Variants in PCDHGA5 observed in about 807,000 individuals in gnomAD.
The protein encoded by PCDHGA5 is protocadherin gamma-A5.
A neutral mutation model predicts 56.7 loss-of-function variants in PCDHGA5; 36 were observed. That is an observed-to-expected ratio of 0.64 (90% CI 0.49 to 0.84). The LOEUF (loss-of-function observed/expected upper bound fraction) is 0.84. Among genes scored for constraint, PCDHGA5 ranks in the 40% least tolerant of loss-of-function variants. The pLI is 0.00. For synonymous variants in PCDHGA5, 563 were observed against 520.2 expected (o/e 1.08, Z -1.12); for missense variants, 1,305 against 1,201.5 (o/e 1.09, Z -1.27).
intron 1 of PCDHGA5, chr5:141,404,365 C>A: frequency 6.2e-7 from 1 of 1,613,936 alleles, no homozygotes; most frequent in South Asian, 1.1e-5. Context: ...GTACTTCCAT[C>A]TTCTCCGTGA....
chr5:141,372,767 T>C, intron 1 of PCDHGA5: 1 of 1,612,184 alleles, frequency 6.2e-7, no homozygotes, highest in Non-Finnish European at 8.5e-7. Flanking sequence ...TTGAAAGTAA[T>C]GACAATCCAG....
intron 1 of PCDHGA5, among the ~76,000 whole-genome samples, chr5:141,466,036 G>C (rs981390655): frequency 1.3e-5 from 2 of 152,064 alleles, no homozygotes; most frequent in Non-Finnish European, 2.9e-5. Context: ...GCAGGAGAAC[G>C]GCATGAACCC....
intron 1 of PCDHGA5, chr5:141,399,393 C>A: frequency 6.2e-7 from 1 of 1,613,976 alleles, no homozygotes; most frequent in Non-Finnish European, 8.5e-7. Flanking sequence ...CAGCCACAGA[C>A]AGGGGCAAGC....
intron 1 of PCDHGA5, among the ~76,000 whole-genome samples, chr5:141,368,280 A>G (rs778182605): frequency 2.6e-5 from 4 of 152,160 alleles, no homozygotes; most frequent in African/African-American, 7.2e-5. Context: ...ACCTAAGACC[A>G]CTTGATTTTT....
Position 141,397,579 on chromosome 5 carries a change from A to G in PCDHGA5, c.2421+30828A>G, listed in dbSNP as rs73279085. Among the ~76,000 whole-genome samples, 1,264 of 152,334 alleles carry G rather than the reference A, an allele frequency of 8.3e-3. 17 individuals are homozygous for G. Among genetic ancestry groups the G allele is most frequent in the African/African-American group, 0.029 (1,200 of 41,570 alleles). On this transcript the variant is annotated intron_variant, in intron 1 of 3. Coordinates refer to ENST00000518069, the MANE Select transcript of PCDHGA5 (RefSeq NM_018918.3). ...AGGCTCTGAGAGCAAGAACTGTATCATATTAATTATTATATTGCCAGTGAC... is the reference window on the plus strand; with the variant it reads ...AGGCTCTGAGAGCAAGAACTGTATCGTATTAATTATTATATTGCCAGTGAC...
At position 141,497,103 on chromosome 5, in the gene PCDHGA5, T is replaced by C. The variant is rs182534106; in HGVS notation, c.2480+2238T>C. On this transcript the variant is annotated intron_variant, in intron 2 of 3. Transcript: ENST00000518069. ...ACTTAGGAGGCTGAGGCAGAACTGC[T>C]TGAACCCGGAAGGCAGAGGTTGCAG... Among the ~76,000 whole-genome samples, 34 of 152,160 alleles carry C rather than the reference T, an allele frequency of 2.2e-4. 1 individual carries two copies. Among genetic ancestry groups the C allele is most frequent in the Admixed American group, 6.6e-4 (10 of 15,264 alleles).
chr5:141,422,996 C>G lies in PCDHGA5; in HGVS notation c.2421+56245C>G. 1.2e-6 allele frequency: 2 copies of G among 1,614,224 alleles called. No homozygotes were observed. The highest frequency in any genetic ancestry group is 1.7e-6 in the Non-Finnish European group (2 of 1,180,046). On this transcript the variant is annotated intron_variant, in intron 1 of 3. Coordinates refer to ENST00000518069, the MANE Select transcript of PCDHGA5 (RefSeq NM_018918.3). ...TCTGCGGAACCTGGCTACCTGGTGA[C>G]CAAGGTGGTTGCGGTGGACAAAGAT...
chr5:141,399,203 G>C, intron 1 of PCDHGA5: 1 of 1,613,940 alleles, frequency 6.2e-7, no homozygotes, highest in Middle Eastern at 1.6e-4. Context: ...GCGGTGCCTG[G>C]AACACTAATT....
chr5:141,511,358 G>T lies in PCDHGA5; in HGVS notation c.*185G>T, dbSNP rs905197337. 1.5e-6 allele frequency: 2 copies of T among 1,355,398 alleles called. No homozygotes were observed. Among genetic ancestry groups the T allele is most frequent in the East Asian group, 2.5e-5 (1 of 39,588 alleles). The allele number at this position is 1,355,398 out of a possible 1,614,324, so 84.0% of individuals were successfully genotyped here. ...GCACCTACCCCTTCCCCCCCAGGGGGTTGAATATGCAAAAGCAGTTCCGCT... is the reference window on the plus strand; with the variant it reads ...GCACCTACCCCTTCCCCCCCAGGGGTTTGAATATGCAAAAGCAGTTCCGCT... On this transcript the variant is annotated 3_prime_UTR_variant, in exon 4 of 4. Coordinates refer to ENST00000518069, the MANE Select transcript of PCDHGA5 (RefSeq NM_018918.3).
chr5:141,373,969 C>T, intron 1 of PCDHGA5: 2 of 1,010,234 alleles, frequency 2.0e-6, no homozygotes, highest in Non-Finnish European at 2.7e-6. Context: ...TGAAACGCTT[C>T]GCATCCGGTC....
intron 2 of PCDHGA5, among the ~76,000 whole-genome samples, chr5:141,500,901 G>A (rs984072329): frequency 7.6e-5 from 11 of 144,582 alleles, no homozygotes; most frequent in African/African-American, 2.6e-4. Flanking sequence ...AGACAGTCTC[G>A]CTCTGTCTCC....
chr5:141,416,728 T>C (rs2096057160), intron 1 of PCDHGA5: 1 of 152,232 alleles, frequency 6.6e-6, no homozygotes, highest in Non-Finnish European at 1.5e-5. Context: ...GTTCATTTAG[T>C]TCAATGAAAA....
intron 1 of PCDHGA5, chr5:141,415,740 G>GTTTTTTGT (rs2095911797): frequency 1.9e-6 from 1 of 515,998 alleles, no homozygotes; most frequent in East Asian, 8.3e-5. Flanking sequence ...GTTTATTAAG[G>GTTTTTTGT]TTTTTTTTTT....
At chr5:141,468,783 G>T (rs908838744) in intron 1 of PCDHGA5, among the ~76,000 whole-genome samples, 5 of 151,346 alleles carry the variant, frequency 3.3e-5, no homozygotes, top group East Asian at 2.0e-4. Flanking sequence ...GGAGAATGGC[G>T]TGAACCCGGG....
intron 1 of PCDHGA5, chr5:141,478,730 G>A: frequency 6.5e-7 from 1 of 1,538,906 alleles, no homozygotes; most frequent in South Asian, 1.2e-5. Flanking sequence ...GCCAGAGTGT[G>A]GTTTGTGGTC....
intron 1 of PCDHGA5, chr5:141,371,427 C>T (rs773502490): frequency 1.1e-5 from 17 of 1,613,780 alleles, no homozygotes; most frequent in African/African-American, 1.3e-5. Flanking sequence ...TGACAATGCC[C>T]CGGAGATAAC....
In PCDHGA5 at chr5:141,364,875, T is replaced by C. The variant is rs909012191; in HGVS notation, c.545T>C (p.Val182Ala). The C allele has an allele frequency of 6.2e-7, 1 of 1,613,818 alleles. No individual in the cohort carries two copies. Among genetic ancestry groups the C allele is most frequent in the Non-Finnish European group, 8.5e-7 (1 of 1,179,894 alleles). The change falls in exon 1 of 4, where the codon GTG becomes GCG. Residue 182 changes from valine to alanine, a missense_variant. By Grantham distance (64) the Val-to-Ala change is moderately conservative. Coordinates refer to ENST00000518069, the MANE Select transcript of PCDHGA5 (RefSeq NM_018918.3). ...TCCAATCTGCACTTCTCTCTGGATG[T>C]GGTAAGCGGAACTGATGGACAAAAG... is the stretch of plus-strand genomic sequence containing the variant. ...LSSNLHFSLD[V>A]VSGTDGQKYP...
At chr5:141,427,826 G>A (rs550161736) in intron 1 of PCDHGA5, 2 of 1,536,500 alleles carry the variant, frequency 1.3e-6, no homozygotes, top group Admixed American at 3.3e-5. Flanking sequence ...TGGTGGTCGC[G>A]CAGCGTGCCT....
intron 1 of PCDHGA5, chr5:141,399,984 A>C (rs1310810422): frequency 1.2e-6 from 2 of 1,612,296 alleles, no homozygotes; most frequent in Non-Finnish European, 8.5e-7. Context: ...GGCTGCGCAC[A>C]GGAGAGGTGC....
Sources: allele counts gnomAD v4.1 joint callset (sites outside exome capture counted in the v4.1 genomes callset), GRCh38; gene constraint gnomAD v4.1.1; transcripts MANE v1.5; gene names NCBI Gene and HGNC (gene_info 2026-07-23, HGNC 2026-07-21).